Variants in KLHDC10 observed in about 807,000 individuals in gnomAD.
The protein encoded by KLHDC10 is kelch domain containing 10.
In KLHDC10, 24 loss-of-function variants were observed where a neutral mutation model predicts 56.1. That is an observed-to-expected ratio of 0.43 (90% CI 0.31 to 0.60). KLHDC10 has a LOEUF of 0.60. Ranked by LOEUF, KLHDC10 falls within the 20% of genes least tolerant of loss-of-function variation. KLHDC10 has a pLI of 0.11. For synonymous variants in KLHDC10, 188 were observed against 207.1 expected (o/e 0.91, Z 0.79); for missense variants, 349 against 567.0 (o/e 0.62, Z 3.91).
chr7:130,130,180 C>T lies in KLHDC10; in HGVS notation c.1120-357C>T, dbSNP rs1162388133. ...AAAATACAAAAAAAAATTAGCCGGA[C>T]GTGGTGGCGCGTGCCTGTATTCCCA... is the stretch of plus-strand genomic sequence containing the variant. On this transcript the variant is annotated intron_variant, in intron 9 of 9. Coordinates refer to ENST00000335420, the MANE Select transcript of KLHDC10 (RefSeq NM_014997.4). The surrounding 1 kb of genome is among the most constrained non-coding windows in gnomAD (Gnocchi z 4.2). 2.0e-5 allele frequency among the ~76,000 whole-genome samples: 3 copies of T among 151,734 alleles called. No individual in the cohort carries two copies. Among genetic ancestry groups the T allele is most frequent in the Non-Finnish European group, 2.9e-5 (2 of 67,950 alleles).
rs371231661 is a variant in KLHDC10 at position 130,130,667 on chromosome 7, T to A, written c.1250T>A (p.Phe417Tyr). ...ELAWEKLLAA[F>Y]PNLANLSRTQ... ...GCATGGGAGAAGCTGCTTGCGGCCTTCCCTAACCTTGCAAACCTCTCCCGA... is the reference window on the plus strand; with the variant it reads ...GCATGGGAGAAGCTGCTTGCGGCCTACCCTAACCTTGCAAACCTCTCCCGA... The change falls in exon 10 of 10, where the codon TTC becomes TAC. Residue 417 changes from phenylalanine to tyrosine, a missense_variant. By Grantham distance (22) the Phe-to-Tyr change is conservative. This residue lies in a region of KLHDC10 where 245 missense variants were observed against 470.1 expected (regional missense o/e 0.52). Transcript: ENST00000335420. This position sits in a 1 kb window ranked among gnomAD's most constrained non-coding sequence, Gnocchi z 4.2. The A allele has an allele frequency of 1.9e-5, 31 of 1,614,038 alleles. No homozygotes were observed. Among genetic ancestry groups the A allele is most frequent in the Non-Finnish European group, 2.4e-5 (28 of 1,180,046 alleles).
intron 2 of KLHDC10, among the ~76,000 whole-genome samples, chr7:130,109,360 C>T (rs1796068839): frequency 6.6e-6 from 1 of 151,824 alleles, no homozygotes; most frequent in African/African-American, 2.4e-5. Flanking sequence ...GTAGCTGGGA[C>T]TACAGGAATG....
intron 7 of KLHDC10, 116 bp downstream of exon 7, chr7:130,126,047 C>A: frequency 1.3e-6 from 1 of 760,858 alleles, no homozygotes; most frequent in Non-Finnish European, 2.1e-6. Flanking sequence ...ACCTGTTGGG[C>A]TGGGCGCATT....
At chr7:130,077,320 C>T (rs1368650883) in intron 1 of KLHDC10, among the ~76,000 whole-genome samples, 3 of 118,156 alleles carry the variant, frequency 2.5e-5, no homozygotes, top group Non-Finnish European at 4.9e-5. Flanking sequence ...TGCCACTGCA[C>T]TCCAGCCTGG....
intron 2 of KLHDC10, among the ~76,000 whole-genome samples, chr7:130,115,451 C>A (rs1004182108): frequency 6.6e-6 from 1 of 151,862 alleles, no homozygotes; most frequent in Admixed American, 6.6e-5. Flanking sequence ...TGCAGTAGCT[C>A]GTACCTGTAA....
intron 2 of KLHDC10, 35 bp downstream of exon 2, chr7:130,097,042 A>T: frequency 7.0e-7 from 1 of 1,431,580 alleles, no homozygotes; most frequent in African/African-American, 1.4e-5. Context: ...TGTGCTTCGT[A>T]TGGGTTAAAG....
chr7:130,073,253 GCTCA>G (rs1795447084), intron 1 of KLHDC10, among the ~76,000 whole-genome samples: 1 of 150,182 alleles, frequency 6.7e-6, no homozygotes, highest in African/African-American at 2.4e-5. Context: ...CTATAGTATA[GCTCA>G]CTGTCTCTCT....
intron 1 of KLHDC10, among the ~76,000 whole-genome samples, chr7:130,088,669 A>G (rs541988545): frequency 1.3e-3 from 196 of 145,344 alleles, no homozygotes; most frequent in African/African-American, 2.7e-3. Context: ...TTTTGAGACA[A>G]TCTCACTCTG....
Position 130,116,466 on chromosome 7 carries a change from G to A in KLHDC10, c.275G>A (p.Arg92Gln), listed in dbSNP as rs1796169272. ...FLRGHRPPPARSGHRCVADNT... is the reference protein window; with the variant it reads ...FLRGHRPPPAQSGHRCVADNT... The stretch of plus-strand genomic sequence containing the variant: ...CTAGGCCACAGACCTCCACCAGCAC[G>A]AAGTGGACATCGTTGTGTGGCAGAT... The change falls in exon 3 of 10, where the codon CGA (arginine) becomes CAA (glutamine). Residue 92 changes from arginine (R) to glutamine (Q), a missense_variant. Transcript: ENST00000335420. This position sits in a 1 kb window ranked among gnomAD's most constrained non-coding sequence, Gnocchi z 4.8. 3 of 1,613,920 alleles carry A rather than the reference G, an allele frequency of 1.9e-6. No homozygotes were observed. Among genetic ancestry groups the A allele is most frequent in the Non-Finnish European group, 2.5e-6 (3 of 1,179,904 alleles).
At chr7:130,102,811 GCGAGAC>G (rs1795950998) in intron 2 of KLHDC10, among the ~76,000 whole-genome samples, 1 of 152,096 alleles carries the variant, frequency 6.6e-6, no homozygotes, top group Non-Finnish European at 1.5e-5. Flanking sequence ...GGACAACAGA[GCGAGAC>G]ACTGTCTCAA....
At chr7:130,110,453 C>T (rs986501555) in intron 2 of KLHDC10, among the ~76,000 whole-genome samples, 2 of 152,306 alleles carry the variant, frequency 1.3e-5, no homozygotes, top group Non-Finnish European at 2.9e-5. Flanking sequence ...TGGTGACTAA[C>T]ACCTGTAATC....
chr7:130,081,079 A>C (rs1795599162), intron 1 of KLHDC10, among the ~76,000 whole-genome samples: 1 of 148,906 alleles, frequency 6.7e-6, no homozygotes, highest in Non-Finnish European at 1.5e-5. Flanking sequence ...GCTCACTGCA[A>C]ACTCTGCCCT....
chr7:130,097,089 G>T (rs1030952475), intron 2 of KLHDC10, 82 bp downstream of exon 2: 2 of 970,646 alleles, frequency 2.1e-6, no homozygotes, highest in East Asian at 5.0e-5. Context: ...CAAAACTCTG[G>T]TTTTTAAAAA....
At chr7:130,125,232 C>T (rs1457528941) in intron 6 of KLHDC10, among the ~76,000 whole-genome samples, 1 of 152,128 alleles carries the variant, frequency 6.6e-6, no homozygotes, top group South Asian at 2.1e-4. Context: ...CCTTTTTCTT[C>T]GTTTTTTTCT....
chr7:130,106,861 C>T (rs1460866753), intron 2 of KLHDC10, among the ~76,000 whole-genome samples: 1 of 152,036 alleles, frequency 6.6e-6, no homozygotes, highest in Non-Finnish European at 1.5e-5. Context: ...GTCCCAGCTA[C>T]TTGGGAGGCT....
chr7:130,105,283 T>G (rs1795992846), intron 2 of KLHDC10, among the ~76,000 whole-genome samples: 1 of 152,224 alleles, frequency 6.6e-6, no homozygotes, highest in African/African-American at 2.4e-5. Flanking sequence ...TGAGCCCCTG[T>G]GCACTTGCAA....
At chr7:130,082,015 TA>T (rs1795615285) in intron 1 of KLHDC10, among the ~76,000 whole-genome samples, 1 of 152,146 alleles carries the variant, frequency 6.6e-6, no homozygotes, top group African/African-American at 2.4e-5. Context: ...ACTCATTAAT[TA>T]AAATTTGGAT....
chr7:130,095,654 C>A (rs10279986), intron 1 of KLHDC10, among the ~76,000 whole-genome samples: 17,274 of 152,184 alleles, frequency 0.11, 1,085 homozygotes, highest in Middle Eastern at 0.19. Context: ...TATACAGAAT[C>A]TGTATATCTC....
chr7:130,070,698 G>C lies in KLHDC10; in HGVS notation c.55G>C (p.Gly19Arg). ...RNRRRGGGAA[G>R]AGGGGSGAGG... ...CCGCCGGAGGGGAGGAGGCGCCGCC[G>C]GCGCTGGTGGCGGAGGTAGCGGGGC... Residue 19 changes from glycine to arginine, a missense_variant, in exon 1 of 10, where the codon GGC becomes CGC. Gly to Arg is a moderately radical substitution (Grantham distance 125). Around this residue, in one of 2 missense-constraint regions of KLHDC10, gnomAD observed 104 missense variants for 97.0 expected, o/e 1.07. Coordinates refer to ENST00000335420, the MANE Select transcript of KLHDC10 (RefSeq NM_014997.4). 7.7e-7 allele frequency: 1 copy of C among 1,299,316 alleles called. No homozygotes were observed. The allele number at this position is 1,299,316 out of a possible 1,614,324, so 80.5% of individuals were successfully genotyped here.
Sources: gnomAD v4.1 joint callset for allele counts (sites outside exome capture counted in the v4.1 genomes callset) on GRCh38, gnomAD v4.1.1 for gene constraint, gnomAD v4.1.1 regional missense constraint, Gnocchi (gnomAD v3.1) non-coding constraint, MANE v1.5 for transcripts, NCBI Gene and HGNC (gene_info 2026-07-23, HGNC 2026-07-21) for gene names.